The following RAB40C variants were observed in gnomAD, a reference collection of about 807,000 sequenced individuals.
RAB40C encodes the protein RAB40C, member RAS oncogene family, also known as ras-related protein Rab-40C.
Under a neutral mutation model 28.1 loss-of-function variants are expected in RAB40C, and 8 were observed. The observed-to-expected ratio is 0.28, with a 90% CI of 0.17 to 0.51. RAB40C has a LOEUF of 0.51. Ranked by LOEUF, RAB40C falls within the 20% of genes least tolerant of loss-of-function variation. The pLI, the probability that RAB40C is intolerant of heterozygous loss-of-function variation, is 0.97. For synonymous variants in RAB40C, 201 were observed against 171.7 expected, an observed-to-expected ratio of 1.17 and a Z score of -1.34; for missense variants, 288 against 405.9, an observed-to-expected ratio of 0.71 and a Z score of 2.50.
intron 3 of RAB40C, among the ~76,000 whole-genome samples, chr16:621,738 C>T (rs1315923289): frequency 6.6e-6 from 1 of 152,190 alleles, no homozygotes; most frequent in African/African-American, 2.4e-5. Context: ...GTGTGGCTGA[C>T]GGGATGTGCC....
Position 596,516 on chromosome 16 carries a change from C to T in RAB40C, c.142+6083C>T, listed in dbSNP as rs967921789. On this transcript the variant is annotated intron_variant, in intron 1 of 5. Coordinates refer to ENST00000248139, the MANE Select transcript of RAB40C (RefSeq NM_021168.5). ...CCACGTCAGCCAGGGTGTCATCCGCCGGGCGTTTGGAGTAAGCAGGGAAAG... is the reference window on the plus strand; with the variant it reads ...CCACGTCAGCCAGGGTGTCATCCGCTGGGCGTTTGGAGTAAGCAGGGAAAG... The T allele has an allele frequency of 5.3e-5, 18 of 341,188 alleles. No homozygotes were observed. In the Middle Eastern group the frequency reaches 4.1e-3, roughly 77 times the overall value. 21.1% of individuals were successfully genotyped at this position (341,188 alleles called of 1,614,324 possible).
intron 5 of RAB40C, among the ~76,000 whole-genome samples, chr16:626,931 G>A (rs1269054233): frequency 2.0e-5 from 3 of 152,166 alleles, no homozygotes; most frequent in Admixed American, 6.5e-5. Context: ...AGCGAGACCC[G>A]TCTCAAAAAA....
At chr16:597,963 A>C (rs2036167175) in intron 1 of RAB40C, among the ~76,000 whole-genome samples, 1 of 150,914 alleles carries the variant, frequency 6.6e-6, no homozygotes. Flanking sequence ...AAAAAAAAAA[A>C]AGGCCGGGTG....
chr16:602,699 C>T (rs2036279046), intron 1 of RAB40C, among the ~76,000 whole-genome samples: 1 of 152,124 alleles, frequency 6.6e-6, no homozygotes, highest in Non-Finnish European at 1.5e-5. Flanking sequence ...TCCCAAAGTG[C>T]TGGGATTACA....
intron 3 of RAB40C, among the ~76,000 whole-genome samples, chr16:621,552 G>A (rs538040434): frequency 6.6e-6 from 1 of 152,358 alleles, no homozygotes; most frequent in East Asian, 1.9e-4. Context: ...GGCCCTTCAC[G>A]TGCCGCCGAA....
chr16:597,730 C>T (rs1312038865), intron 1 of RAB40C, among the ~76,000 whole-genome samples: 1 of 150,880 alleles, frequency 6.6e-6, no homozygotes, highest in African/African-American at 2.4e-5. Context: ...TTCAAGCAAT[C>T]CGCCCGCCTC....
intron 3 of RAB40C, among the ~76,000 whole-genome samples, chr16:619,445 C>A (rs2036665028): frequency 6.6e-6 from 1 of 152,182 alleles, no homozygotes; most frequent in Admixed American, 6.5e-5. Flanking sequence ...CTCTGGGCCC[C>A]CAAGCACGCT....
intron 1 of RAB40C, 110 bp from the exon 2 acceptor site, chr16:617,098 C>T: frequency 1.7e-6 from 2 of 1,151,308 alleles, no homozygotes; most frequent in Non-Finnish European, 1.3e-6. Context: ...GGAGCTGCTT[C>T]TCCACTTCCG....
Position 625,527 on chromosome 16 carries a change from G to T in RAB40C, c.342+18G>T, listed in dbSNP as rs750860776. 7 of 1,611,866 alleles carry T rather than the reference G, an allele frequency of 4.3e-6. No homozygotes were observed. In the Admixed American group the frequency reaches 1.0e-4, roughly 23 times the overall value. ...TCGATGAGGTAGGCCTGGGTCCGGG[G>T]AGCCCTCCCGGGGAAGGCAGGCTGG... On this transcript the variant is annotated intron_variant, in intron 4 of 5. Transcript: ENST00000248139.
chr16:625,599 C>T, intron 4 of RAB40C, 90 bp downstream of exon 4: 1 of 1,348,130 alleles, frequency 7.4e-7, no homozygotes, highest in East Asian at 2.4e-5. Flanking sequence ...CCGCCTGCCG[C>T]CCCTCCTGTG....
chr16:604,023 A>G (rs2036307558), intron 1 of RAB40C, among the ~76,000 whole-genome samples: 1 of 151,250 alleles, frequency 6.6e-6, no homozygotes, highest in Admixed American at 6.6e-5. Context: ...GGTATTACGA[A>G]TAATGCTGAT....
At position 624,338 on chromosome 16, in the gene RAB40C, G is replaced by T. The variant is rs1188033988; in HGVS notation, c.265-1094G>T. On this transcript the variant is annotated intron_variant, in intron 3 of 5. Coordinates refer to ENST00000248139, the MANE Select transcript of RAB40C (RefSeq NM_021168.5). ...CCCAACCTCCAGGGTTAACCCCTGG[G>T]TGTGCATTTGTTTATTCTGAATCTT... 4.1e-6 allele frequency: 4 copies of T among 985,360 alleles called. No individual in the cohort carries two copies. In the Admixed American group the frequency reaches 2.5e-4, roughly 61 times the overall value. The allele number at this position is 985,360 out of a possible 1,614,324, so 61.0% of individuals were successfully genotyped here. A position where few individuals can be genotyped will look rare whatever the true frequency, so the allele number is the denominator to read the frequency against.
intron 1 of RAB40C, among the ~76,000 whole-genome samples, chr16:595,853 G>A (rs1427828453): frequency 5.3e-5 from 8 of 152,086 alleles, no homozygotes; most frequent in South Asian, 2.1e-4. Flanking sequence ...CACCCTCCTC[G>A]GCCTCCCAAA....
At chr16:621,781 G>A (rs756120214) in intron 3 of RAB40C, among the ~76,000 whole-genome samples, 1 of 152,226 alleles carries the variant, frequency 6.6e-6, no homozygotes, top group Non-Finnish European at 1.5e-5. Flanking sequence ...GGGTCAGCGG[G>A]CTTAGTGCCA....
At position 590,549 on chromosome 16, in the gene RAB40C, C is replaced by G; in HGVS notation, c.142+116C>G. 1.2e-5 allele frequency: 15 copies of G among 1,284,172 alleles called. No individual in the cohort carries two copies. In the South Asian group the frequency reaches 2.5e-4, roughly 21 times the overall value. 79.5% of individuals were successfully genotyped at this position (1,284,172 alleles called of 1,614,324 possible). A position where few individuals can be genotyped will look rare whatever the true frequency, so the allele number is the denominator to read the frequency against. On this transcript the variant is annotated intron_variant, in intron 1 of 5. Transcript: ENST00000248139. Reference sequence around the variant, plus strand: ...CGCCGCCGAACGTTCCCAGGAACGCCTTTGCCTGGCTTCCAGACTCGGTAG... The same window carrying G: ...CGCCGCCGAACGTTCCCAGGAACGCGTTTGCCTGGCTTCCAGACTCGGTAG...
In RAB40C at chr16:628,000, A is replaced by C. The variant is rs1289064835; in HGVS notation, c.*378A>C. ...CCTGGGTGTGGCCCGGTGGTGGTGC[A>C]CTGGTGACTTCATGGCCACGCCAGC... On this transcript the variant is annotated 3_prime_UTR_variant, in exon 6 of 6. Coordinates refer to ENST00000248139, the MANE Select transcript of RAB40C (RefSeq NM_021168.5). 1 of 201,634 alleles carries C rather than the reference A, an allele frequency of 5.0e-6. No homozygotes were observed. Among genetic ancestry groups the C allele is most frequent in the African/African-American group, 2.3e-5 (1 of 43,310 alleles). The allele number at this position is 201,634 out of a possible 1,614,324, so 12.5% of individuals were successfully genotyped here.
At chr16:618,145 G>A (rs2036627141) in intron 2 of RAB40C, 55 bp from the exon 3 acceptor site, 1 of 1,560,390 alleles carries the variant, frequency 6.4e-7, no homozygotes. Flanking sequence ...AGGGAAGGAG[G>A]TGAGCCTCTC....
intron 5 of RAB40C, among the ~76,000 whole-genome samples, chr16:627,001 C>G (rs1213561445): frequency 1.3e-5 from 2 of 152,164 alleles, no homozygotes; most frequent in Non-Finnish European, 2.9e-5. Flanking sequence ...CTCCCCCGCT[C>G]TAGGGGATGA....
intron 1 of RAB40C, among the ~76,000 whole-genome samples, chr16:593,999 C>T (rs1038571322): frequency 6.6e-6 from 1 of 152,184 alleles, no homozygotes; most frequent in African/African-American, 2.4e-5. Context: ...AGTCAGGCTC[C>T]AGGGTGTGGG....
Sources: gnomAD v4.1 joint callset for allele counts (sites outside exome capture counted in the v4.1 genomes callset) on GRCh38, gnomAD v4.1.1 for gene constraint, MANE v1.5 for transcripts, NCBI Gene and HGNC (gene_info 2026-07-23, HGNC 2026-07-21) for gene names.